MERTK: variants seen among roughly 807,000 people sequenced by gnomAD.
MERTK encodes tyrosine-protein kinase Mer.
A neutral mutation model predicts 99.3 loss-of-function variants in MERTK; 69 were observed. The observed-to-expected ratio is 0.70, with a 90% confidence interval of 0.57 to 0.85. The LOEUF (loss-of-function observed/expected upper bound fraction) is 0.85, where lower values mean the gene tolerates loss of function less well. MERTK is among the 40% of genes least tolerant of loss of function. The pLI is 0.00. For synonymous variants in MERTK, 426 were observed against 467.6 expected (o/e 0.91, Z 1.15); for missense variants, 1,125 against 1,249.4 (o/e 0.90, Z 1.50).
At chr2:112,001,373 C>A in intron 11 of MERTK, 87 bp downstream of exon 11, 1 of 1,066,014 alleles carries the variant, frequency 9.4e-7, no homozygotes, top group Non-Finnish European at 1.5e-6. Flanking sequence ...TAACAAAAGC[C>A]AAAGATGTCG....
chr2:111,979,559 C>T (rs1229414517), intron 7 of MERTK, among the ~76,000 whole-genome samples: 1 of 151,870 alleles, frequency 6.6e-6, no homozygotes. Context: ...ATGTTCCACT[C>T]TCTGTTTTTT....
chr2:112,001,529 G>T (rs1338841381), intron 11 of MERTK, among the ~76,000 whole-genome samples: 15 of 152,186 alleles, frequency 9.9e-5, no homozygotes, highest in Admixed American at 9.2e-4. Context: ...GTCATGAAAT[G>T]TGGCAGAAAA....
At chr2:111,951,549 AC>A (rs1685057557) in intron 4 of MERTK, among the ~76,000 whole-genome samples, 10 of 118,720 alleles carry the variant, frequency 8.4e-5, no homozygotes, top group South Asian at 3.0e-4. Flanking sequence ...ATATATATAT[AC>A]CATAATTTTT....
At chr2:111,982,358 A>G (rs1676389610) in intron 7 of MERTK, among the ~76,000 whole-genome samples, 1 of 151,884 alleles carries the variant, frequency 6.6e-6, no homozygotes, top group South Asian at 2.1e-4. Flanking sequence ...TACCTGGCCA[A>G]CATTTTCTTC....
chr2:111,953,620 G>A (rs946513379), intron 4 of MERTK, among the ~76,000 whole-genome samples: 1 of 151,996 alleles, frequency 6.6e-6, no homozygotes, highest in Non-Finnish European at 1.5e-5. Flanking sequence ...CTGTCGCCCA[G>A]GCTGGAGTGC....
At chr2:111,953,993 T>A (rs1685102081) in intron 4 of MERTK, among the ~76,000 whole-genome samples, 1 of 152,238 alleles carries the variant, frequency 6.6e-6, no homozygotes, top group Non-Finnish European at 1.5e-5. Flanking sequence ...ACCTCTTACC[T>A]GTGGTCCAAT....
intron 2 of MERTK, among the ~76,000 whole-genome samples, chr2:111,942,492 GGGGCTAC>G (rs1183716599): frequency 3.9e-5 from 6 of 152,074 alleles, no homozygotes; most frequent in Non-Finnish European, 5.9e-5. Flanking sequence ...TGATATCCAG[GGGGCTAC>G]CAGGAGAGGG....
Position 111,994,575 on chromosome 2 carries a change from C to T in MERTK, c.1450+171C>T. The T allele has an allele frequency of 6.2e-5, 53 of 848,966 alleles. No individual in the cohort carries two copies. The South Asian group carries it at 6.8e-4, about 11-fold the overall frequency. 52.6% of individuals were successfully genotyped at this position (848,966 alleles called of 1,614,324 possible). A position where few individuals can be genotyped will look rare whatever the true frequency, so the allele number is the denominator to read the frequency against. ...AGGAGGAGTTTGAGAACAACCTGGG[C>T]AATGGGCAACATAGTGAGACCCTGT... is the stretch of plus-strand genomic sequence containing the variant. On this transcript the variant is annotated intron_variant, in intron 9 of 18. Transcript: ENST00000295408.
At chr2:112,008,736 A>G in intron 14 of MERTK, 1 of 550,382 alleles carries the variant, frequency 1.8e-6, no homozygotes, top group Non-Finnish European at 3.3e-6. Context: ...AGTGTGAATT[A>G]AATTGTCCTC....
At chr2:111,983,553 A>G (rs1676414862) in intron 8 of MERTK, among the ~76,000 whole-genome samples, 1 of 152,204 alleles carries the variant, frequency 6.6e-6, no homozygotes, top group Non-Finnish European at 1.5e-5. Flanking sequence ...GAATTACTGG[A>G]TCAGGACATG....
chr2:111,976,993 T>A (rs1401657220), intron 7 of MERTK, among the ~76,000 whole-genome samples: 1 of 152,174 alleles, frequency 6.6e-6, no homozygotes, highest in African/African-American at 2.4e-5. Context: ...TTTACTTTAA[T>A]GTATCTTAAA....
At chr2:111,916,369 A>G (rs946285897) in intron 1 of MERTK, among the ~76,000 whole-genome samples, 19 of 152,138 alleles carry the variant, frequency 1.2e-4, no homozygotes, top group Non-Finnish European at 2.4e-4. Flanking sequence ...TAGATCTTTA[A>G]TAGTAGTCCC....
Position 111,929,228 on chromosome 2 carries a change from G to T in MERTK, c.170G>T (p.Ser57Ile). 1 of 1,614,194 alleles carries T rather than the reference G, an allele frequency of 6.2e-7. No homozygotes were observed. ...HTPLLSLPHA[S>I]GYQPALMFSP... ...CCGCTGTTATCCCTTCCTCACGCCA[G>T]TGGGTACCAGCCTGCCTTGATGTTT... Residue 57 changes from serine (S) to isoleucine (I), a missense_variant, in exon 2 of 19, where the codon AGT becomes ATT. Transcript: ENST00000295408.
At chr2:112,015,678 A>G (rs1677203223) in intron 15 of MERTK, 2 of 151,562 alleles carry the variant, frequency 1.3e-5, no homozygotes, top group Admixed American at 1.3e-4. Flanking sequence ...ATTTTGATAA[A>G]GCCCAATTTA....
chr2:111,996,430 CAT>C (rs1412794863), intron 9 of MERTK: 2 of 154,196 alleles, frequency 1.3e-5, no homozygotes, highest in Non-Finnish European at 2.9e-5. Context: ...CTTGCGGAGA[CAT>C]GTGGCTGTGT....
intron 7 of MERTK, among the ~76,000 whole-genome samples, chr2:111,982,280 C>G (rs1460978028): frequency 6.6e-6 from 1 of 152,118 alleles, no homozygotes; most frequent in African/African-American, 2.4e-5. Flanking sequence ...TGGTCTCAAA[C>G]TCCTGACCTC....
intron 15 of MERTK, chr2:112,019,199 A>G (rs1677280956): frequency 3.0e-6 from 2 of 665,944 alleles, no homozygotes; most frequent in South Asian, 3.2e-5. Context: ...TGGGGAAAAG[A>G]GAATATGATG....
Position 112,003,100 on chromosome 2 carries a change from T to C in MERTK, c.1699T>C (p.Leu567=). Residue 567 remains leucine (L), a synonymous_variant, in exon 12 of 19, where the codon TTG becomes CTG. Transcript: ENST00000295408. Reference sequence around the variant, plus strand: ...TGTTACTCCTTTTTCAGTACATAGCTTGGGAGTCAGTGAGGAACTACAAAA... The same window carrying C: ...TGTTACTCCTTTTTCAGTACATAGCCTGGGAGTCAGTGAGGAACTACAAAA... ...RRAIELTLHS[L]GVSEELQNKL... The C allele has an allele frequency of 6.5e-7, 1 of 1,540,540 alleles. No individual in the cohort carries two copies. The highest frequency in any genetic ancestry group is 9.0e-7 in the Non-Finnish European group (1 of 1,113,216).
chr2:111,970,802 CCCTCCT>C (rs1360043501), intron 6 of MERTK, among the ~76,000 whole-genome samples: 1 of 25,112 alleles, frequency 4.0e-5, no homozygotes, highest in South Asian at 1.7e-3. Context: ...TCCTCCTCCC[CCCTCCT>C]CCTCCTCCTC....
Sources: gnomAD v4.1 joint callset for allele counts (sites outside exome capture counted in the v4.1 genomes callset) on GRCh38, gnomAD v4.1.1 for gene constraint, MANE v1.5 for transcripts, NCBI Gene and HGNC (gene_info 2026-07-23, HGNC 2026-07-21) for gene names.